VAV3: variants seen among roughly 807,000 people sequenced by gnomAD.
VAV3 encodes vav guanine nucleotide exchange factor 3, also known as guanine nucleotide exchange factor VAV3.
Under a neutral mutation model 131.2 loss-of-function variants are expected in VAV3, and 94 were observed. The observed-to-expected ratio is 0.72, with a 90% CI of 0.61 to 0.85. The LOEUF (loss-of-function observed/expected upper bound fraction) is 0.85, where lower values mean the gene tolerates loss of function less well. Ranked by LOEUF, VAV3 falls within the 40% of genes least tolerant of loss-of-function variation. The probability of loss-of-function intolerance (pLI) is 0.00; values close to 1 mark genes in which losing one functional copy is unlikely to be tolerated. For synonymous variants in VAV3, 349 were observed against 342.0 expected, an observed-to-expected ratio of 1.02 and a Z score of -0.22; for missense variants, 939 against 1,002.7, an observed-to-expected ratio of 0.94 and a Z score of 0.86.
intron 2 of VAV3, among the ~76,000 whole-genome samples, chr1:107,848,378 C>T (rs907752942): frequency 8.2e-4 from 124 of 151,384 alleles, no homozygotes; most frequent in African/African-American, 2.7e-3. Context: ...TTGTCCATCA[C>T]GATCAAGTCA....
chr1:107,848,715 C>T (rs919311291), intron 2 of VAV3, among the ~76,000 whole-genome samples: 1 of 152,070 alleles, frequency 6.6e-6, no homozygotes, highest in African/African-American at 2.4e-5. Flanking sequence ...TATTGGAAGT[C>T]CTGGACAGGG....
rs1186654719 is a variant in VAV3, at chr1:107,713,561, T to C, written c.1503-8500A>G. On this transcript the variant is annotated intron_variant, in intron 15 of 26. Transcript: ENST00000370056. ...TAAAATAAAAACAATACATAAAACATGTACTAGCAATCAAAAGAAATGTAC... is the reference window on the plus strand; with the variant it reads ...TAAAATAAAAACAATACATAAAACACGTACTAGCAATCAAAAGAAATGTAC... Among the ~76,000 whole-genome samples the C allele has an allele frequency of 3.9e-5, 6 of 152,144 alleles. No homozygotes were observed. In the South Asian group the frequency reaches 1.2e-3, roughly 32 times the overall value.
intron 19 of VAV3, among the ~76,000 whole-genome samples, chr1:107,670,481 T>A (rs1039378211): frequency 7.4e-5 from 11 of 148,544 alleles, no homozygotes; most frequent in Admixed American, 4.0e-4. Context: ...TTAAACATAT[T>A]TTTTTTTTTG....
intron 17 of VAV3, among the ~76,000 whole-genome samples, chr1:107,691,427 A>C (rs1659418946): frequency 6.6e-6 from 1 of 152,130 alleles, no homozygotes; most frequent in African/African-American, 2.4e-5. Flanking sequence ...TTCATGCCTT[A>C]GTTCTGCAAT....
intron 20 of VAV3, among the ~76,000 whole-genome samples, chr1:107,633,046 C>T (rs1654623281): frequency 6.6e-6 from 1 of 152,090 alleles, no homozygotes; most frequent in Admixed American, 6.6e-5. Context: ...TGGCACTGGG[C>T]TAGTTGTCAC....
At position 107,760,212 on chromosome 1, in the gene VAV3, A is replaced by C. The variant is rs543109924; in HGVS notation, c.1017+572T>G. Among the ~76,000 whole-genome samples, 213 of 152,300 alleles carry C rather than the reference A, an allele frequency of 1.4e-3. 3 individuals are homozygous for C. Among genetic ancestry groups the C allele is most frequent in the Admixed American group, 0.014 (207 of 15,300 alleles). ...TAAGACATTTCTTTGGAGCAGAACT[A>C]ATGAGTCTCCTGGTATAGCTATCAA... On this transcript the variant is annotated intron_variant, in intron 10 of 26. Coordinates refer to ENST00000370056, the MANE Select transcript of VAV3 (RefSeq NM_006113.5).
intron 12 of VAV3, among the ~76,000 whole-genome samples, chr1:107,755,176 T>C (rs992081186): frequency 2.4e-4 from 37 of 152,016 alleles, no homozygotes; most frequent in Non-Finnish European, 5.4e-4. Context: ...ACTCCTATAT[T>C]TAGATTCAGA....
intron 12 of VAV3, among the ~76,000 whole-genome samples, chr1:107,753,549 T>TATATACACACAC (rs771773884): frequency 3.2e-4 from 26 of 82,020 alleles, no homozygotes; most frequent in Non-Finnish European, 5.1e-4. Flanking sequence ...TATATATATA[T>TATATACACACAC]ACACACACAC....
At chr1:107,738,985 C>T (rs1311646038) in intron 15 of VAV3, among the ~76,000 whole-genome samples, 1 of 152,164 alleles carries the variant, frequency 6.6e-6, no homozygotes, top group Non-Finnish European at 1.5e-5. Flanking sequence ...AAAACAACAA[C>T]AGATGAAAGG....
intron 12 of VAV3, among the ~76,000 whole-genome samples, chr1:107,754,140 C>T (rs531763834): frequency 6.6e-5 from 10 of 152,080 alleles, no homozygotes; most frequent in Non-Finnish European, 1.3e-4. Flanking sequence ...TGGAGGGGTT[C>T]AGGAAAATAG....
intron 1 of VAV3, among the ~76,000 whole-genome samples, chr1:107,918,042 T>A (rs1240705084): frequency 6.6e-6 from 1 of 152,208 alleles, no homozygotes; most frequent in African/African-American, 2.4e-5. Flanking sequence ...ACCTTTCCTA[T>A]GGGAACCACA....
intron 1 of VAV3, among the ~76,000 whole-genome samples, chr1:107,876,866 A>T (rs1476487459): frequency 6.6e-6 from 1 of 152,210 alleles, no homozygotes; most frequent in Non-Finnish European, 1.5e-5. Context: ...AAAGTGAGCA[A>T]CGTATTAGCT....
chr1:107,848,151 A>G (rs1411201986), intron 2 of VAV3, among the ~76,000 whole-genome samples: 2 of 152,000 alleles, frequency 1.3e-5, no homozygotes, highest in Admixed American at 6.6e-5. Context: ...GTCTCTACTA[A>G]AAACACAAAA....
chr1:107,924,211 T>C (rs1302388889), intron 1 of VAV3, among the ~76,000 whole-genome samples: 2 of 152,174 alleles, frequency 1.3e-5, no homozygotes, highest in African/African-American at 2.4e-5. Context: ...CAACAACCCA[T>C]TGCAGTTTTG....
chr1:107,897,265 T>C (rs1671631480), intron 1 of VAV3: 1 of 151,020 alleles, frequency 6.6e-6, no homozygotes, highest in Non-Finnish European at 1.5e-5. Flanking sequence ...ACTACTACTT[T>C]CATATGTAGG....
intron 15 of VAV3, among the ~76,000 whole-genome samples, chr1:107,724,018 C>T (rs982966348): frequency 1.3e-5 from 2 of 151,922 alleles, no homozygotes; most frequent in African/African-American, 2.4e-5. Context: ...GTCCAAGGCT[C>T]GTGAAGCGAC....
At chr1:107,952,042 T>A (rs1024742173) in intron 1 of VAV3, among the ~76,000 whole-genome samples, 2 of 152,138 alleles carry the variant, frequency 1.3e-5, no homozygotes, top group African/African-American at 4.8e-5. Context: ...ACAGCACTAT[T>A]CACAATAGCA....
intron 25 of VAV3, among the ~76,000 whole-genome samples, chr1:107,591,055 A>C (rs1650910062): frequency 6.6e-6 from 1 of 152,136 alleles, no homozygotes; most frequent in Non-Finnish European, 1.5e-5. Flanking sequence ...AGTTCCTTAA[A>C]AATATGAAGT....
At chr1:107,610,625 T>C (rs61138298) in intron 21 of VAV3, among the ~76,000 whole-genome samples, 2,083 of 152,260 alleles carry the variant, frequency 0.014, 52 homozygotes, top group African/African-American at 0.048. Flanking sequence ...TACTTATTTT[T>C]CCATTTGTTT....
Sources: gnomAD v4.1 joint callset for allele counts (sites outside exome capture counted in the v4.1 genomes callset) on GRCh38, gnomAD v4.1.1 for gene constraint, MANE v1.5 for transcripts, NCBI Gene and HGNC (gene_info 2026-07-23, HGNC 2026-07-21) for gene names.